Variants in MTHFD1L observed in about 807,000 individuals in gnomAD.
The protein encoded by MTHFD1L is methylenetetrahydrofolate dehydrogenase (NADP+ dependent) 1 like, also known as monofunctional C1-tetrahydrofolate synthase, mitochondrial.
Under a neutral mutation model 119.5 loss-of-function variants are expected in MTHFD1L, and 81 were observed. That is an observed-to-expected ratio of 0.68 (90% CI 0.57 to 0.82). The LOEUF (loss-of-function observed/expected upper bound fraction) is 0.82. MTHFD1L is among the 40% of genes least tolerant of loss of function. The pLI is 0.00. For missense variants in MTHFD1L, 1,125 were observed against 1,253.4 expected, an observed-to-expected ratio of 0.90 and a Z score of 1.55; for synonymous variants, 430 against 475.2, an observed-to-expected ratio of 0.90 and a Z score of 1.24.
intron 4 of MTHFD1L, among the ~76,000 whole-genome samples, chr6:150,881,214 G>A (rs974972642): frequency 6.6e-6 from 1 of 152,136 alleles, no homozygotes; most frequent in African/African-American, 2.4e-5. Context: ...TAGTTTTATG[G>A]TTTGAGACCT....
intron 26 of MTHFD1L, among the ~76,000 whole-genome samples, chr6:151,059,127 C>T (rs1790336650): frequency 6.6e-6 from 1 of 152,198 alleles, no homozygotes; most frequent in African/African-American, 2.4e-5. Flanking sequence ...GCTCCCTTCC[C>T]CCTGAGGTGG....
At chr6:151,040,034 G>A (rs1362397093) in intron 26 of MTHFD1L, among the ~76,000 whole-genome samples, 1 of 152,180 alleles carries the variant, frequency 6.6e-6, no homozygotes, top group Non-Finnish European at 1.5e-5. Flanking sequence ...CTTGGCTTAG[G>A]GATAAGAGGG....
intron 17 of MTHFD1L, 134 bp from the exon 18 acceptor site, chr6:150,960,141 G>A (rs1265154905): frequency 6.6e-6 from 8 of 1,208,944 alleles, no homozygotes; most frequent in Non-Finnish European, 9.1e-6. Context: ...AAACTGATGG[G>A]ATTGCATGCA....
intron 20 of MTHFD1L, among the ~76,000 whole-genome samples, chr6:151,001,885 A>G (rs887212416): frequency 6.6e-6 from 1 of 152,216 alleles, no homozygotes; most frequent in Non-Finnish European, 1.5e-5. Context: ...TATAATCTCT[A>G]AATGAATTGC....
At chr6:151,068,455 CATAGCTCCAAGT>C (rs1439199220) in intron 26 of MTHFD1L, among the ~76,000 whole-genome samples, 1 of 152,220 alleles carries the variant, frequency 6.6e-6, no homozygotes, top group Non-Finnish European at 1.5e-5. Flanking sequence ...GGCATTTCCT[CATAGCTCCAAGT>C]AGCTGCTGCG....
intron 26 of MTHFD1L, among the ~76,000 whole-genome samples, chr6:151,076,772 G>T (rs1265186234): frequency 1.3e-5 from 2 of 152,064 alleles, no homozygotes; most frequent in Non-Finnish European, 2.9e-5. Context: ...TCAATTTGGG[G>T]TCGTTTCTTA....
chr6:151,051,568 G>A (rs1286335256), intron 26 of MTHFD1L, among the ~76,000 whole-genome samples: 2 of 152,140 alleles, frequency 1.3e-5, no homozygotes, highest in Non-Finnish European at 2.9e-5. Context: ...CTTTTCAGTA[G>A]GTCAGTCGGC....
chr6:150,962,826 C>A (rs1037650123), intron 18 of MTHFD1L, among the ~76,000 whole-genome samples: 1 of 152,094 alleles, frequency 6.6e-6, no homozygotes, highest in Non-Finnish European at 1.5e-5. Context: ...GAAAACTACT[C>A]CTCTTCTTCC....
chr6:150,980,835 T>C (rs1299286246), intron 20 of MTHFD1L, among the ~76,000 whole-genome samples: 4 of 152,114 alleles, frequency 2.6e-5, no homozygotes, highest in Non-Finnish European at 5.9e-5. Flanking sequence ...CTCTCCTGAT[T>C]TGAGTGATTA....
In MTHFD1L at chr6:151,026,126, A is replaced by G. The variant is rs1784577714; in HGVS notation, c.2587-8367A>G. ...AACAGGACTTCAATAATTTAATTGAAGAATTCTAGTGAGCATTTCCAGAGC... is the reference window on the plus strand; with the variant it reads ...AACAGGACTTCAATAATTTAATTGAGGAATTCTAGTGAGCATTTCCAGAGC... On this transcript the variant is annotated intron_variant, in intron 24 of 27. Coordinates refer to ENST00000367321, the MANE Select transcript of MTHFD1L (RefSeq NM_015440.5). 2.6e-5 allele frequency among the ~76,000 whole-genome samples: 4 copies of G among 152,250 alleles called. No homozygotes were observed. The South Asian group carries it at 8.3e-4, about 32-fold the overall frequency.
intron 2 of MTHFD1L, among the ~76,000 whole-genome samples, chr6:150,876,427 G>T (rs547998744): frequency 6.6e-6 from 1 of 152,276 alleles, no homozygotes; most frequent in East Asian, 1.9e-4. Context: ...GCACTTACAT[G>T]CATTGCATTA....
chr6:150,908,110 G>A (rs1283132280), intron 8 of MTHFD1L, among the ~76,000 whole-genome samples: 1 of 147,816 alleles, frequency 6.8e-6, no homozygotes, highest in East Asian at 2.0e-4. Context: ...GATGCACCAT[G>A]TTTGCCAGGT....
At chr6:151,026,734 C>T (rs1784647089) in intron 24 of MTHFD1L, among the ~76,000 whole-genome samples, 1 of 151,656 alleles carries the variant, frequency 6.6e-6, no homozygotes, top group African/African-American at 2.4e-5. Flanking sequence ...ATGTCCCACT[C>T]AGCCCTGTGT....
At position 150,865,921 on chromosome 6, in the gene MTHFD1L, C is replaced by CGGCGGCGGCGGA. The variant is rs1357326894; in HGVS notation, c.111_122dup (p.Gly39_Gly42dup). 8.4e-7 allele frequency: 1 copy of CGGCGGCGGCGGA among 1,190,740 alleles called. No homozygotes were observed. Among genetic ancestry groups the CGGCGGCGGCGGA allele is most frequent in the Non-Finnish European group, 1.0e-6 (1 of 964,528 alleles). 73.8% of individuals were successfully genotyped at this position (1,190,740 alleles called of 1,614,324 possible). A position where few individuals can be genotyped will look rare whatever the true frequency, so the allele number is the denominator to read the frequency against. The stretch of plus-strand genomic sequence containing the variant: ...TCCGTGTGCCCTGTCGCGCTAGCAG[C>CGGCGGCGGCGGA]GGCGGCGGCGGAGGCGGCGGCGGTG... On this transcript the variant is annotated inframe_insertion, in exon 1 of 28. Transcript: ENST00000367321.
At chr6:150,954,294 G>A (rs1795285786) in intron 16 of MTHFD1L, among the ~76,000 whole-genome samples, 1 of 152,174 alleles carries the variant, frequency 6.6e-6, no homozygotes, top group South Asian at 2.1e-4. Context: ...AATTAACAAA[G>A]TCAGTGTACT....
intron 24 of MTHFD1L, among the ~76,000 whole-genome samples, chr6:151,029,417 G>C (rs1785031641): frequency 6.6e-6 from 1 of 151,412 alleles, no homozygotes; most frequent in Non-Finnish European, 1.5e-5. Flanking sequence ...GTGAGACTCT[G>C]TCTCAAATAA....
chr6:150,969,000 T>C (rs803516), intron 19 of MTHFD1L, among the ~76,000 whole-genome samples: 76,028 of 151,452 alleles, frequency 0.5, 20,239 homozygotes, highest in African/African-American at 0.65. Context: ...AGGCGCCCGC[T>C]ACCATGCCTG....
chr6:151,099,831 T>A, intron 27 of MTHFD1L: 1 of 1,601,420 alleles, frequency 6.2e-7, no homozygotes. Flanking sequence ...TCGCTCACAA[T>A]GTTTCCTCCA....
At chr6:151,030,919 G>A (rs750236041) in intron 24 of MTHFD1L, among the ~76,000 whole-genome samples, 2 of 152,194 alleles carry the variant, frequency 1.3e-5, no homozygotes, top group South Asian at 2.1e-4. Flanking sequence ...TGCAGGGCAC[G>A]CCTGTAATCC....
Sources: gnomAD v4.1 joint callset for allele counts (sites outside exome capture counted in the v4.1 genomes callset) on GRCh38, gnomAD v4.1.1 for gene constraint, MANE v1.5 for transcripts, NCBI Gene and HGNC (gene_info 2026-07-23, HGNC 2026-07-21) for gene names.